ANGPTL6: variants seen among roughly 807,000 people sequenced by gnomAD.
ANGPTL6 encodes the protein angiopoietin like 6, also known as angiopoietin-related protein 6.
ANGPTL6 carries 45 observed loss-of-function variants against 47.4 expected under a neutral mutation model. That is an observed-to-expected ratio of 0.95 (90% confidence interval 0.75 to 1.22). The LOEUF (loss-of-function observed/expected upper bound fraction) is 1.22. Ranked by LOEUF, ANGPTL6 falls within the 50% of genes most tolerant of loss-of-function variation. The pLI, the probability that ANGPTL6 is intolerant of heterozygous loss-of-function variation, is 0.00. For missense variants in ANGPTL6, 698 were observed against 669.4 expected, an observed-to-expected ratio of 1.04 and a Z score of -0.47; for synonymous variants, 290 against 295.9, an observed-to-expected ratio of 0.98 and a Z score of 0.20.
Position 10,102,567 on chromosome 19 carries a change from C to T in ANGPTL6, c.-11+1G>A. 1.0e-6 allele frequency: 1 copy of T among 984,474 alleles called. No individual in the cohort carries two copies. Among genetic ancestry groups the T allele is most frequent in the African/African-American group, 1.7e-5 (1 of 57,316 alleles). The allele number at this position is 984,474 out of a possible 1,614,324, so 61.0% of individuals were successfully genotyped here. ...CTCCACCTACCTTCCCACCCTCTCA[C>T]CTCTGATGCCCAAGACCCTGAATCC... On this transcript the variant is annotated splice_donor_variant, in intron 1 of 5. Transcript: ENST00000253109. LOFTEE classifies it low-confidence loss of function (5UTR_SPLICE).
Position 10,096,164 on chromosome 19 carries a change from C to A in ANGPTL6, c.400G>T (p.Ala134Ser), listed in dbSNP as rs749583985. Reference protein sequence around the residue: ...PGADLGAEPAAALALLGERVL... With the variant: ...PGADLGAEPASALALLGERVL... ...CGCTCCCCGAGCAGCGCCAGCGCCG[C>A]GGCAGGCTCCGCCCCCAGATCCGCC... The change falls in exon 2 of 6, where the codon GCG (alanine) becomes TCG (serine). Residue 134 changes from alanine to serine, a missense_variant. Ala to Ser is a moderately conservative substitution (Grantham distance 99, BLOSUM62 1). Transcript: ENST00000253109. 7.6e-7 allele frequency: 1 copy of A among 1,309,062 alleles called. No homozygotes were observed. The highest frequency in any genetic ancestry group is 9.7e-7 in the Non-Finnish European group (1 of 1,028,688). 81.1% of individuals were successfully genotyped at this position (1,309,062 alleles called of 1,614,324 possible).
At chr19:10,095,632 G>A (rs2088509610) in intron 2 of ANGPTL6, among the ~76,000 whole-genome samples, 1 of 152,134 alleles carries the variant, frequency 6.6e-6, no homozygotes, top group South Asian at 2.1e-4. Flanking sequence ...ACCAGGACAC[G>A]TTCCAGAATT....
At chr19:10,102,865 G>A, upstream of ANGPTL6, 1 of 776,384 alleles carries the variant, frequency 1.3e-6, no homozygotes, top group Non-Finnish European at 1.6e-6. Context: ...TCAGTGTCCT[G>A]GACATCCCTC....
rs558036247 is a variant in ANGPTL6 at position 10,092,893 on chromosome 19, A to G, written c.1223-114T>C. Reference sequence around the variant, plus strand: ...CTGGCCCCTCCCATTCTTATTGAATACAAGCCCTGATCTTCCATCTCCTCA... The same window carrying G: ...CTGGCCCCTCCCATTCTTATTGAATGCAAGCCCTGATCTTCCATCTCCTCA... On this transcript the variant is annotated intron_variant, in intron 5 of 5. Transcript: ENST00000253109. 5 of 875,802 alleles carry G rather than the reference A, an allele frequency of 5.7e-6. No homozygotes were observed. In the East Asian group the frequency reaches 1.2e-4, roughly 20 times the overall value. 54.3% of individuals were successfully genotyped at this position (875,802 alleles called of 1,614,324 possible). A position where few individuals can be genotyped will look rare whatever the true frequency, so the allele number is the denominator to read the frequency against.
chr19:10,094,472 T>A (rs1488689002), intron 3 of ANGPTL6: 3 of 419,646 alleles, frequency 7.1e-6, no homozygotes, highest in Non-Finnish European at 1.3e-5. Context: ...AACCCTGGTT[T>A]TTTATGGTCT....
chr19:10,093,370 T>C lies in ANGPTL6; in HGVS notation c.1201A>G (p.Arg401Gly). 6.2e-7 allele frequency: 1 copy of C among 1,613,834 alleles called. No homozygotes were observed. The highest frequency in any genetic ancestry group is 8.5e-7 in the Non-Finnish European group (1 of 1,179,738). ...TTACCAGAATAGGAGTCTCGGTCCC[T>C]ATCCACGGTGCTGAAGGGCTTGTCA... ...HNDKPFSTVDRDRDSYSGNCA... is the reference protein window; with the variant it reads ...HNDKPFSTVDGDRDSYSGNCA... The change falls in exon 5 of 6, where the codon AGG (arginine) becomes GGG (glycine). Residue 401 changes from arginine (R) to glycine (G), a missense_variant. Arg to Gly is a moderately radical substitution (Grantham distance 125). Transcript: ENST00000253109.
At chr19:10,093,249 A>C in intron 5 of ANGPTL6, 100 bp downstream of exon 5, 1 of 1,440,396 alleles carries the variant, frequency 6.9e-7, no homozygotes, top group Non-Finnish European at 9.4e-7. Flanking sequence ...CCTTATACTT[A>C]CCAGAGGGGC....
In ANGPTL6 at chr19:10,096,151, A is replaced by G. The variant is rs1336196591; in HGVS notation, c.413T>C (p.Leu138Pro). 1 of 1,333,864 alleles carries G rather than the reference A, an allele frequency of 7.5e-7. No homozygotes were observed. The highest frequency in any genetic ancestry group is 9.6e-7 in the Non-Finnish European group (1 of 1,042,076). 82.6% of individuals were successfully genotyped at this position (1,333,864 alleles called of 1,614,324 possible). The change falls in exon 2 of 6, where the codon CTG (leucine) becomes CCG (proline). Residue 138 changes from leucine to proline, a missense_variant. Coordinates refer to ENST00000253109, the MANE Select transcript of ANGPTL6 (RefSeq NM_031917.3). ...CGCGTTGAGCACGCGCTCCCCGAGC[A>G]GCGCCAGCGCCGCGGCAGGCTCCGC... ...LGAEPAAALA[L>P]LGERVLNASA...
In ANGPTL6 at chr19:10,102,593, A is replaced by C; in HGVS notation, c.-36T>G. On this transcript the variant is annotated 5_prime_UTR_variant, in exon 1 of 6. Transcript: ENST00000253109. ...CTCTGATGCCCAAGACCCTGAATCC[A>C]GCGAAGCTCACAGAACACACAAGAA... 2 of 984,578 alleles carry C rather than the reference A, an allele frequency of 2.0e-6. No individual in the cohort carries two copies. The highest frequency in any genetic ancestry group is 9.4e-5 in the South Asian group (2 of 21,282). 61.0% of individuals were successfully genotyped at this position (984,578 alleles called of 1,614,324 possible). A position where few individuals can be genotyped will look rare whatever the true frequency, so the allele number is the denominator to read the frequency against.
chr19:10,102,650 C>T lies in ANGPTL6; in HGVS notation c.-93G>A, dbSNP rs1325230159. 1 of 984,868 alleles carries T rather than the reference C, an allele frequency of 1.0e-6. No homozygotes were observed. Among genetic ancestry groups the T allele is most frequent in the Non-Finnish European group, 1.2e-6 (1 of 829,526 alleles). 61.0% of individuals were successfully genotyped at this position (984,868 alleles called of 1,614,324 possible). On this transcript the variant is annotated 5_prime_UTR_variant, in exon 1 of 6. Transcript: ENST00000253109. Reference sequence around the variant, plus strand: ...GGAAGAGCCGAGGGTCCAGTGGGGCCTCTGAGCTAGAGACGGGGAGAGGGC... The same window carrying T: ...GGAAGAGCCGAGGGTCCAGTGGGGCTTCTGAGCTAGAGACGGGGAGAGGGC...
At chr19:10,092,928 T>C (rs1337976542) in intron 5 of ANGPTL6, 149 bp from the exon 6 acceptor site, 12 of 631,614 alleles carry the variant, frequency 1.9e-5, no homozygotes, top group Non-Finnish European at 3.0e-5. Context: ...AGCAAAAAAA[T>C]AGGAGCCCTG....
intron 1 of ANGPTL6, among the ~76,000 whole-genome samples, chr19:10,098,444 G>A (rs946737100): frequency 6.6e-6 from 1 of 152,180 alleles, no homozygotes; most frequent in African/African-American, 2.4e-5. Flanking sequence ...TAAAGGGAAG[G>A]CCTGGTGGAG....
At chr19:10,105,597 A>AGAGACAGGGGG (rs1358767517), upstream of ANGPTL6, among the ~76,000 whole-genome samples, 6 of 143,058 alleles carry the variant, frequency 4.2e-5, no homozygotes, top group Admixed American at 1.4e-4. Flanking sequence ...AGAGGGAGAA[A>AGAGACAGGGGG]GAGACAGGGG....
chr19:10,099,576 C>CAA (rs34627650), intron 1 of ANGPTL6, among the ~76,000 whole-genome samples: 127 of 53,196 alleles, frequency 2.4e-3, no homozygotes, highest in Non-Finnish European at 3.3e-3. Context: ...GACTCCATCT[C>CAA]AAAAAAAAAA....
Position 10,096,310 on chromosome 19 carries a change from G to T in ANGPTL6, c.254C>A (p.Ala85Asp). The T allele has an allele frequency of 8.1e-7, 1 of 1,241,690 alleles. No individual in the cohort carries two copies. The highest frequency in any genetic ancestry group is 1.0e-6 in the Non-Finnish European group (1 of 995,222). 76.9% of individuals were successfully genotyped at this position (1,241,690 alleles called of 1,614,324 possible). A position where few individuals can be genotyped will look rare whatever the true frequency, so the allele number is the denominator to read the frequency against. ...LLRELQRLAAADGAVAGEVRA... is the reference protein window; with the variant it reads ...LLRELQRLAADDGAVAGEVRA... ...CACCTCGCCGGCCACGGCGCCGTCG[G>T]CCGCCGCCAGCCTCTGCAGCTCGCG... The change falls in exon 2 of 6, where the codon GCC becomes GAC. Residue 85 changes from alanine to aspartate, a missense_variant. Ala to Asp is a moderately radical substitution (Grantham distance 126). Coordinates refer to ENST00000253109, the MANE Select transcript of ANGPTL6 (RefSeq NM_031917.3).
At chr19:10,097,457 T>C (rs1302815086) in intron 1 of ANGPTL6, among the ~76,000 whole-genome samples, 2 of 151,542 alleles carry the variant, frequency 1.3e-5, no homozygotes, top group African/African-American at 2.4e-5. Flanking sequence ...GGAATACATT[T>C]AGGAACAAAA....
In ANGPTL6 at chr19:10,096,461, G is replaced by A. The variant is rs765845435; in HGVS notation, c.103C>T (p.Pro35Ser). The change falls in exon 2 of 6, where the codon CCG becomes TCG. Residue 35 changes from proline to serine, a missense_variant. Coordinates refer to ENST00000253109, the MANE Select transcript of ANGPTL6 (RefSeq NM_031917.3). Reference protein sequence around the residue: ...PRCTYTFVLPPQKFTGAVCWS... With the variant: ...PRCTYTFVLPSQKFTGAVCWS... Reference sequence around the variant, plus strand: ...CACACAGCGCCCGTGAACTTCTGCGGGGGCAGCACGAAGGTGTAGGTGCAG... The same window carrying A: ...CACACAGCGCCCGTGAACTTCTGCGAGGGCAGCACGAAGGTGTAGGTGCAG... 8 of 1,474,572 alleles carry A rather than the reference G, an allele frequency of 5.4e-6. No homozygotes were observed. The highest frequency in any genetic ancestry group is 3.8e-5 in the South Asian group (3 of 78,386). 91.3% of individuals were successfully genotyped at this position (1,474,572 alleles called of 1,614,324 possible).
upstream of ANGPTL6, chr19:10,106,171 T>G (rs1283249774): frequency 1.5e-5 from 11 of 749,074 alleles, no homozygotes; most frequent in South Asian, 1.6e-4. Context: ...TTCGTTTCTC[T>G]GCAGCCCGGA....
At position 10,093,354 on chromosome 19, in the gene ANGPTL6, T is replaced by C. The variant is rs756571186; in HGVS notation, c.1217A>G (p.Tyr406Cys). The C allele has an allele frequency of 1.9e-6, 3 of 1,612,746 alleles. No individual in the cohort carries two copies. Among genetic ancestry groups the C allele is most frequent in the Non-Finnish European group, 2.5e-6 (3 of 1,178,910 alleles). The stretch of plus-strand genomic sequence containing the variant: ...AGAATAGGAGTTCTCCTTACCAGAA[T>C]AGGAGTCTCGGTCCCTATCCACGGT... ...FSTVDRDRDS[Y>C]SGNCALYQRG... Residue 406 changes from tyrosine to cysteine, a missense_variant, in exon 5 of 6, where the codon TAT (tyrosine) becomes TGT (cysteine). Physicochemically the swap from Tyr to Cys is radical, Grantham distance 194. Coordinates refer to ENST00000253109, the MANE Select transcript of ANGPTL6 (RefSeq NM_031917.3).
Sources: allele counts gnomAD v4.1 joint callset (sites outside exome capture counted in the v4.1 genomes callset), GRCh38; gene constraint gnomAD v4.1.1; transcripts MANE v1.5; gene names NCBI Gene and HGNC (gene_info 2026-07-23, HGNC 2026-07-21).